ANAPC10: variants seen among roughly 807,000 people sequenced by gnomAD.
ANAPC10 encodes the protein anaphase-promoting complex subunit 10.
In ANAPC10, 12 loss-of-function variants were observed where a neutral mutation model predicts 22.0. The ratio of observed to expected loss-of-function variants is 0.55; its 90% CI spans 0.35 to 0.88. ANAPC10 has a LOEUF of 0.88. ANAPC10 is among the 40% of genes least tolerant of loss of function. The pLI, the probability that ANAPC10 is intolerant of heterozygous loss-of-function variation, is 0.01. For missense variants in ANAPC10, 188 were observed against 220.9 expected (o/e 0.85, Z 0.94); for synonymous variants, 65 against 69.5 (o/e 0.94, Z 0.32).
chr4:145,058,033 A>T (rs1162682451), intron 4 of ANAPC10, among the ~76,000 whole-genome samples: 1 of 152,158 alleles, frequency 6.6e-6, no homozygotes, highest in Non-Finnish European at 1.5e-5. Context: ...ATGTTTCCTC[A>T]TTTAATGTCT....
At chr4:145,047,998 T>C (rs1476464363) in intron 4 of ANAPC10, among the ~76,000 whole-genome samples, 1 of 152,118 alleles carries the variant, frequency 6.6e-6, no homozygotes, top group Non-Finnish European at 1.5e-5. Flanking sequence ...GATTGCCCTA[T>C]ATTCCCCAAA....
At chr4:145,095,379 G>A (rs1373097129) in intron 2 of ANAPC10, among the ~76,000 whole-genome samples, 5 of 151,704 alleles carry the variant, frequency 3.3e-5, no homozygotes, top group Non-Finnish European at 4.4e-5. Flanking sequence ...ACTTTGTCCA[G>A]CACATCCACC....
intron 4 of ANAPC10, among the ~76,000 whole-genome samples, chr4:145,045,237 G>A (rs1256843713): frequency 1.3e-5 from 2 of 152,036 alleles, no homozygotes; most frequent in African/African-American, 2.4e-5. Context: ...ATGTGAATAA[G>A]TACTTTGCAA....
At chr4:145,011,868 A>G (rs999874259) in intron 4 of ANAPC10, among the ~76,000 whole-genome samples, 4 of 152,096 alleles carry the variant, frequency 2.6e-5, no homozygotes, top group African/African-American at 7.3e-5. Context: ...GGAGGGAAGC[A>G]CTAGAGTTTA....
At chr4:145,004,576 C>T (rs1162283062) in intron 4 of ANAPC10, among the ~76,000 whole-genome samples, 2 of 152,088 alleles carry the variant, frequency 1.3e-5, no homozygotes, top group African/African-American at 2.4e-5. Flanking sequence ...TATTAAAAGC[C>T]TTTTCTGCAT....
intron 4 of ANAPC10, among the ~76,000 whole-genome samples, chr4:145,030,802 T>A (rs928341615): frequency 1.3e-5 from 2 of 152,162 alleles, no homozygotes; most frequent in Non-Finnish European, 2.9e-5. Flanking sequence ...CAGTATCACA[T>A]CCCTGGAGGG....
intron 4 of ANAPC10, among the ~76,000 whole-genome samples, chr4:145,030,191 A>G (rs1273053717): frequency 6.6e-6 from 1 of 152,228 alleles, no homozygotes; most frequent in Non-Finnish European, 1.5e-5. Flanking sequence ...TTATACAAAC[A>G]GAAAACTTCT....
chr4:145,060,163 T>C (rs546686578), intron 4 of ANAPC10, among the ~76,000 whole-genome samples: 175 of 152,222 alleles, frequency 1.1e-3, no homozygotes, highest in African/African-American at 3.9e-3. Flanking sequence ...TTTCAATTTA[T>C]GTGGAATAGG....
chr4:145,088,445 T>C (rs1193630767), intron 2 of ANAPC10, among the ~76,000 whole-genome samples: 1 of 152,236 alleles, frequency 6.6e-6, no homozygotes, highest in Non-Finnish European at 1.5e-5. Context: ...TATTTATTTT[T>C]TGACCCAAAA....
At chr4:145,014,883 C>G (rs7680398) in intron 4 of ANAPC10, among the ~76,000 whole-genome samples, 1,765 of 152,160 alleles carry the variant, frequency 0.012, 48 homozygotes, top group African/African-American at 0.039. Flanking sequence ...CATAGGAAAA[C>G]GGGGAGAGTG....
At chr4:145,056,531 G>T (rs1260678151) in intron 4 of ANAPC10, among the ~76,000 whole-genome samples, 1 of 151,968 alleles carries the variant, frequency 6.6e-6, no homozygotes, top group African/African-American at 2.4e-5. Flanking sequence ...TCCCTCTTGC[G>T]CAAGATATAA....
intron 4 of ANAPC10, among the ~76,000 whole-genome samples, chr4:145,044,719 G>A (rs1740035825): frequency 6.6e-6 from 1 of 151,974 alleles, no homozygotes; most frequent in South Asian, 2.1e-4. Flanking sequence ...ACCTATAACT[G>A]AATGCAGCCA....
chr4:145,064,863 T>C (rs372866692), intron 3 of ANAPC10, among the ~76,000 whole-genome samples, 171 bp from the exon 4 acceptor site: 65 of 152,048 alleles, frequency 4.3e-4, no homozygotes, highest in African/African-American at 1.5e-3. Context: ...TAGGTCCAGA[T>C]AGTATGTTAA....
At chr4:145,095,465 T>C (rs1748365446) in intron 2 of ANAPC10, among the ~76,000 whole-genome samples, 1 of 152,192 alleles carries the variant, frequency 6.6e-6, no homozygotes, top group Non-Finnish European at 1.5e-5. Context: ...GCCATCAACA[T>C]CATCTGCTCC....
chr4:144,995,958 A>T (rs1731541006), intron 4 of ANAPC10, among the ~76,000 whole-genome samples: 1 of 152,252 alleles, frequency 6.6e-6, no homozygotes, highest in South Asian at 2.1e-4. Flanking sequence ...GACTAGACAC[A>T]AGTAGTATGT....
intron 3 of ANAPC10, among the ~76,000 whole-genome samples, chr4:145,068,575 T>A: frequency 6.6e-6 from 1 of 152,170 alleles, no homozygotes; most frequent in Non-Finnish European, 1.5e-5. Flanking sequence ...AAGCAAATAT[T>A]TATAAATAAC....
chr4:145,068,148 C>T (rs1019164999), intron 3 of ANAPC10, among the ~76,000 whole-genome samples: 4 of 152,150 alleles, frequency 2.6e-5, no homozygotes, highest in African/African-American at 9.7e-5. Context: ...TCCTCTTACA[C>T]GAAGAGGTAG....
intron 4 of ANAPC10, among the ~76,000 whole-genome samples, chr4:145,039,149 G>A (rs976204016): frequency 2.7e-5 from 4 of 150,760 alleles, no homozygotes; most frequent in Non-Finnish European, 5.9e-5. Context: ...CAAAGCATCA[G>A]AAATCAAAAG....
intron 4 of ANAPC10, among the ~76,000 whole-genome samples, chr4:145,051,941 G>A (rs910973080): frequency 6.6e-5 from 10 of 152,056 alleles, no homozygotes; most frequent in Non-Finnish European, 1.2e-4. Flanking sequence ...GATTACTTAG[G>A]TTAACTCCTA....
Sources: allele counts gnomAD v4.1 joint callset (sites outside exome capture counted in the v4.1 genomes callset), GRCh38; gene constraint gnomAD v4.1.1; transcripts MANE v1.5; gene names NCBI Gene and HGNC (gene_info 2026-07-23, HGNC 2026-07-21).